Variants in ZNF423 observed in about 807,000 individuals in gnomAD.
ZNF423 encodes the protein Ebf-associated zinc finger protein.
Under a neutral mutation model 95.8 loss-of-function variants are expected in ZNF423, and 12 were observed. The observed-to-expected ratio is 0.13, with a 90% CI of 0.08 to 0.20. The LOEUF (loss-of-function observed/expected upper bound fraction) is 0.20, where lower values mean the gene tolerates loss of function less well. ZNF423 is among the 10% of genes least tolerant of loss of function. The pLI is 1.00. For synonymous variants in ZNF423, 749 were observed against 711.9 expected (o/e 1.05, Z -0.83); for missense variants, 1,316 against 1,737.1 (o/e 0.76, Z 4.31).
intron 3 of ZNF423, among the ~76,000 whole-genome samples, chr16:49,677,608 GA>G (rs1030523914): frequency 2.6e-5 from 4 of 152,026 alleles, no homozygotes; most frequent in Admixed American, 2.6e-4. Flanking sequence ...AATGCAGTGA[GA>G]CCCTGTCTCT....
At chr16:49,605,843 C>A (rs1220959418) in intron 5 of ZNF423, among the ~76,000 whole-genome samples, 5 of 152,184 alleles carry the variant, frequency 3.3e-5, no homozygotes. Flanking sequence ...GACTGTGAAA[C>A]AAGGAGCAGA....
chr16:49,619,901 G>A (rs544608618), intron 5 of ZNF423, among the ~76,000 whole-genome samples: 30 of 152,158 alleles, frequency 2.0e-4, no homozygotes, highest in African/African-American at 4.6e-4. Flanking sequence ...GAGCTGGGGC[G>A]AGACACTGAC....
At chr16:49,689,319 G>A (rs1861342) in intron 3 of ZNF423, among the ~76,000 whole-genome samples, 42,835 of 151,166 alleles carry the variant, frequency 0.28, 6,438 homozygotes, top group South Asian at 0.45. Flanking sequence ...TTAGCCAGGC[G>A]TGGTGGTGCG....
intron 1 of ZNF423, among the ~76,000 whole-genome samples, chr16:49,834,606 G>A (rs761495405): frequency 5.9e-5 from 9 of 152,174 alleles, no homozygotes; most frequent in Non-Finnish European, 1.0e-4. Flanking sequence ...TGCTCCCTGG[G>A]GTTGGGGGAA....
chr16:49,584,811 A>G (rs561174888), intron 5 of ZNF423, among the ~76,000 whole-genome samples: 1 of 152,324 alleles, frequency 6.6e-6, no homozygotes, highest in Admixed American at 6.5e-5. Flanking sequence ...TACCTATGTA[A>G]CAATATGTAA....
intron 5 of ZNF423, among the ~76,000 whole-genome samples, chr16:49,601,631 G>A (rs954016150): frequency 1.3e-5 from 2 of 152,126 alleles, no homozygotes; most frequent in African/African-American, 4.8e-5. Context: ...TCACATAAAA[G>A]GCAGCCCTCT....
intron 3 of ZNF423, among the ~76,000 whole-genome samples, chr16:49,655,512 C>A (rs560776478): frequency 1.4e-3 from 219 of 152,336 alleles, no homozygotes; most frequent in African/African-American, 5.0e-3. Flanking sequence ...AACCCCTGCA[C>A]AATCAGCATG....
chr16:49,713,982 AG>A (rs1468087989), intron 3 of ZNF423, among the ~76,000 whole-genome samples: 2 of 152,142 alleles, frequency 1.3e-5, no homozygotes, highest in African/African-American at 4.8e-5. Flanking sequence ...CGCCTCCCAC[AG>A]GGCAGACAAG....
intron 1 of ZNF423, among the ~76,000 whole-genome samples, chr16:49,792,397 C>T (rs548784268): frequency 3.3e-5 from 5 of 152,300 alleles, no homozygotes; most frequent in African/African-American, 1.2e-4. Flanking sequence ...AATCAAAGCT[C>T]TGTGCTGGGT....
At chr16:49,612,474 AAAAC>A (rs1555512227) in intron 5 of ZNF423, among the ~76,000 whole-genome samples, 8 of 151,870 alleles carry the variant, frequency 5.3e-5, no homozygotes, top group Admixed American at 1.3e-4. Context: ...TTCATGGTAA[AAAAC>A]AAACAAACAA....
intron 2 of ZNF423, among the ~76,000 whole-genome samples, chr16:49,751,727 C>T (rs922317673): frequency 1.9e-4 from 29 of 152,256 alleles, no homozygotes; most frequent in Admixed American, 6.5e-4. Flanking sequence ...TTCTGAGTGT[C>T]GGGAGAGGAA....
intron 5 of ZNF423, among the ~76,000 whole-genome samples, chr16:49,576,354 G>T (rs892058432): frequency 3.3e-5 from 5 of 152,212 alleles, no homozygotes; most frequent in African/African-American, 1.2e-4. Context: ...TGGGGGCAGG[G>T]GCAGAGGCAG....
chr16:49,696,190 G>C (rs971288149), intron 3 of ZNF423, among the ~76,000 whole-genome samples: 2 of 152,148 alleles, frequency 1.3e-5, no homozygotes, highest in Non-Finnish European at 2.9e-5. Flanking sequence ...CCTTCCTCTC[G>C]CTTGAATGAC....
chr16:49,767,801 G>A (rs1019108000), intron 2 of ZNF423, among the ~76,000 whole-genome samples: 1 of 152,184 alleles, frequency 6.6e-6, no homozygotes, highest in African/African-American at 2.4e-5. Context: ...CTTCCAGCCA[G>A]GCCAATACGC....
intron 3 of ZNF423, among the ~76,000 whole-genome samples, chr16:49,659,532 C>T (rs1204679869): frequency 3.3e-5 from 5 of 152,234 alleles, no homozygotes. Flanking sequence ...CAGAGTCCGG[C>T]AGAGCCAGGA....
At chr16:49,660,493 G>T (rs2030155582) in intron 3 of ZNF423, among the ~76,000 whole-genome samples, 1 of 152,230 alleles carries the variant, frequency 6.6e-6, no homozygotes, top group African/African-American at 2.4e-5. Context: ...GTTGGGGACA[G>T]AGCCTCCAGC....
chr16:49,848,411 A>T (rs1427663591), intron 1 of ZNF423, among the ~76,000 whole-genome samples: 1 of 152,232 alleles, frequency 6.6e-6, no homozygotes, highest in African/African-American at 2.4e-5. Flanking sequence ...TGAATATTCA[A>T]AACAGTGAGT....
intron 2 of ZNF423, among the ~76,000 whole-genome samples, chr16:49,776,410 G>C (rs556480075): frequency 3.9e-5 from 6 of 152,358 alleles, no homozygotes; most frequent in African/African-American, 1.4e-4. Flanking sequence ...GCCCCCAGAG[G>C]CCGCCCAGGC....
intron 2 of ZNF423, among the ~76,000 whole-genome samples, chr16:49,742,206 C>A (rs2033428136): frequency 6.6e-6 from 1 of 152,170 alleles, no homozygotes; most frequent in Admixed American, 6.5e-5. Flanking sequence ...CCCTGCAGGG[C>A]TCAGCTGCCA....
Sources: gnomAD v4.1 joint callset for allele counts (sites outside exome capture counted in the v4.1 genomes callset) on GRCh38, gnomAD v4.1.1 for gene constraint, MANE v1.5 for transcripts, NCBI Gene and HGNC (gene_info 2026-07-23, HGNC 2026-07-21) for gene names.